PRKN: variants seen among roughly 807,000 people sequenced by gnomAD.
PRKN encodes the protein parkin RBR E3 ubiquitin protein ligase.
A neutral mutation model predicts 59.5 loss-of-function variants in PRKN; 56 were observed. The observed-to-expected ratio is 0.94, with a 90% CI of 0.76 to 1.18. PRKN has a LOEUF of 1.18. Ranked by LOEUF, PRKN falls within the 50% of genes most tolerant of loss-of-function variation. The probability of loss-of-function intolerance (pLI) is 0.00; values close to 1 mark genes in which losing one functional copy is unlikely to be tolerated. For missense variants in PRKN, 657 were observed against 596.4 expected, an observed-to-expected ratio of 1.10 and a Z score of -1.06; for synonymous variants, 250 against 222.1, an observed-to-expected ratio of 1.13 and a Z score of -1.12.
At chr6:162,316,398 G>A (rs1032901543) in intron 2 of PRKN, among the ~76,000 whole-genome samples, 1 of 151,944 alleles carries the variant, frequency 6.6e-6, no homozygotes, top group African/African-American at 2.4e-5. Context: ...TCCCTAAACT[G>A]AACATTCTGG....
At chr6:161,930,783 A>T (rs143955619) in intron 6 of PRKN, among the ~76,000 whole-genome samples, 1 of 152,358 alleles carries the variant, frequency 6.6e-6, no homozygotes, top group East Asian at 1.9e-4. Flanking sequence ...ATATAATCAC[A>T]GGATCCTTAA....
chr6:162,036,950 T>C (rs1192006724), intron 5 of PRKN, among the ~76,000 whole-genome samples: 1 of 152,146 alleles, frequency 6.6e-6, no homozygotes, highest in Non-Finnish European at 1.5e-5. Flanking sequence ...GAAAGGCAAT[T>C]TTACATGAGA....
intron 6 of PRKN, among the ~76,000 whole-genome samples, chr6:161,941,567 T>C (rs966245357): frequency 6.6e-6 from 1 of 152,234 alleles, no homozygotes; most frequent in African/African-American, 2.4e-5. Flanking sequence ...GAAAGTCCTC[T>C]GTCTTTGTGA....
At chr6:162,250,485 C>G (rs753821688) in intron 3 of PRKN, among the ~76,000 whole-genome samples, 25 of 152,124 alleles carry the variant, frequency 1.6e-4, no homozygotes, top group Non-Finnish European at 2.9e-4. Context: ...CACAGAAGTA[C>G]AGAGAGTTGT....
chr6:162,302,233 G>A (rs1272860843), intron 2 of PRKN, among the ~76,000 whole-genome samples: 1 of 151,986 alleles, frequency 6.6e-6, no homozygotes, highest in Non-Finnish European at 1.5e-5. Context: ...TACCACCTTG[G>A]ACCCAAGGTA....
intron 3 of PRKN, among the ~76,000 whole-genome samples, chr6:162,253,544 C>A (rs191145637): frequency 6.6e-6 from 1 of 152,258 alleles, no homozygotes; most frequent in East Asian, 1.9e-4. Flanking sequence ...TTAAAATATG[C>A]AAGGTATACT....
intron 1 of PRKN, among the ~76,000 whole-genome samples, chr6:162,481,859 C>G (rs1395375861): frequency 6.6e-6 from 1 of 152,112 alleles, no homozygotes; most frequent in African/African-American, 2.4e-5. Context: ...CCAACATAAG[C>G]TTTTCCTATT....
rs73600963 is a variant in PRKN at position 161,379,131 on chromosome 6, C to T, written c.1167+7663G>A. ...ATGGGGTATTTAAATGGGAAGAATG[C>T]ATTTGGCACCCAGGTGGTTCACTGT... On this transcript the variant is annotated intron_variant, in intron 10 of 11. Transcript: ENST00000366898. This position sits in a 1 kb window ranked among gnomAD's most constrained non-coding sequence, Gnocchi z 4.9. 0.01 allele frequency among the ~76,000 whole-genome samples: 1,547 copies of T among 152,236 alleles called. 30 individuals carry two copies. Among genetic ancestry groups the T allele is most frequent in the African/African-American group, 0.034 (1,419 of 41,536 alleles).
At chr6:161,784,907 A>C (rs1261507626) in intron 7 of PRKN, among the ~76,000 whole-genome samples, 1 of 152,258 alleles carries the variant, frequency 6.6e-6, no homozygotes, top group Non-Finnish European at 1.5e-5. Context: ...GTATCCACAC[A>C]GTGGAATATT....
At chr6:162,227,853 T>TTTC in intron 3 of PRKN, among the ~76,000 whole-genome samples, 1 of 152,116 alleles carries the variant, frequency 6.6e-6, no homozygotes, top group Admixed American at 6.6e-5. Flanking sequence ...AACACTAAGG[T>TTTC]TGTGTTCCTC....
At chr6:161,993,489 C>T (rs534307695) in intron 5 of PRKN, among the ~76,000 whole-genome samples, 10 of 152,200 alleles carry the variant, frequency 6.6e-5, no homozygotes, top group African/African-American at 9.6e-5. Context: ...CAGGACAAGA[C>T]GGATTAACTG....
intron 6 of PRKN, among the ~76,000 whole-genome samples, chr6:161,867,220 T>A (rs1168414039): frequency 6.6e-6 from 1 of 152,218 alleles, no homozygotes; most frequent in Non-Finnish European, 1.5e-5. Context: ...GGTATTATCA[T>A]TTTTTCTGTA....
intron 9 of PRKN, among the ~76,000 whole-genome samples, chr6:161,426,075 T>C (rs552456776): frequency 6.6e-6 from 1 of 152,066 alleles, no homozygotes; most frequent in East Asian, 1.9e-4. Context: ...GGTGCCTGTG[T>C]ACAGCGTTGT....
intron 4 of PRKN, among the ~76,000 whole-genome samples, chr6:162,158,981 C>T (rs1026094753): frequency 1.3e-5 from 2 of 152,084 alleles, no homozygotes; most frequent in Admixed American, 1.3e-4. Flanking sequence ...CCATCTCCAC[C>T]TTGGCATTCA....
chr6:161,881,360 T>C (rs1794929055), intron 6 of PRKN, among the ~76,000 whole-genome samples: 1 of 152,144 alleles, frequency 6.6e-6, no homozygotes, highest in Non-Finnish European at 1.5e-5. Flanking sequence ...GGGAATTATG[T>C]GTAAACTACA....
At chr6:162,388,082 G>A (rs902193734) in intron 2 of PRKN, among the ~76,000 whole-genome samples, 15 of 152,148 alleles carry the variant, frequency 9.9e-5, no homozygotes, top group Admixed American at 5.2e-4. Context: ...CAGTGACTGG[G>A]GTGTTATTTT....
intron 6 of PRKN, among the ~76,000 whole-genome samples, chr6:161,806,481 C>A (rs1222129722): frequency 6.6e-6 from 1 of 152,176 alleles, no homozygotes; most frequent in African/African-American, 2.4e-5. Flanking sequence ...ACAAGCCAGA[C>A]TTGCCCAGTC....
intron 3 of PRKN, among the ~76,000 whole-genome samples, chr6:162,228,551 AAG>A (rs1778286209): frequency 1.3e-5 from 2 of 152,190 alleles, no homozygotes; most frequent in Admixed American, 6.5e-5. Flanking sequence ...TTAGGGGAAA[AAG>A]TTCTTAGTCC....
intron 9 of PRKN, among the ~76,000 whole-genome samples, chr6:161,472,135 G>A (rs1345019796): frequency 6.6e-6 from 1 of 152,114 alleles, no homozygotes; most frequent in Non-Finnish European, 1.5e-5. Context: ...ATGACTGAAG[G>A]ATAAGCCCTT....
Sources: gnomAD v4.1 joint callset for allele counts (sites outside exome capture counted in the v4.1 genomes callset) on GRCh38, gnomAD v4.1.1 for gene constraint, Gnocchi (gnomAD v3.1) non-coding constraint, MANE v1.5 for transcripts, NCBI Gene and HGNC (gene_info 2026-07-23, HGNC 2026-07-21) for gene names.